Variants in STPG2 observed in about 807,000 individuals in gnomAD.
STPG2 encodes the protein sperm-tail PG-rich repeat-containing protein 2.
A neutral mutation model predicts 54.2 loss-of-function variants in STPG2; 56 were observed. That is an observed-to-expected ratio of 1.03 (90% confidence interval 0.83 to 1.29). The LOEUF (loss-of-function observed/expected upper bound fraction) is 1.29, where lower values mean the gene tolerates loss of function less well. STPG2 is among the 50% of genes most tolerant of loss of function. The pLI, the probability that STPG2 is intolerant of heterozygous loss-of-function variation, is 0.00. For synonymous variants in STPG2, 200 were observed against 181.8 expected (o/e 1.10, Z -0.81); for missense variants, 596 against 544.9 (o/e 1.09, Z -0.93).
intron 9 of STPG2, among the ~76,000 whole-genome samples, chr4:97,764,696 A>AT (rs1487086317): frequency 6.6e-6 from 1 of 152,206 alleles, no homozygotes; most frequent in Non-Finnish European, 1.5e-5. Flanking sequence ...TGGTGACAGG[A>AT]TTTTTTTACC....
At chr4:97,847,602 C>A (rs889715833) in intron 8 of STPG2, among the ~76,000 whole-genome samples, 1 of 152,066 alleles carries the variant, frequency 6.6e-6, no homozygotes, top group Non-Finnish European at 1.5e-5. Context: ...GGGAATAACA[C>A]AACAGACTTA....
intron 10 of STPG2, among the ~76,000 whole-genome samples, chr4:97,615,264 C>A (rs922030811): frequency 2.0e-5 from 3 of 151,988 alleles, no homozygotes; most frequent in Non-Finnish European, 4.4e-5. Flanking sequence ...AACAAGTTAG[C>A]ATGAATTTAT....
chr4:98,075,739 T>C (rs555305917), intron 5 of STPG2, among the ~76,000 whole-genome samples: 5 of 152,168 alleles, frequency 3.3e-5, no homozygotes, highest in Non-Finnish European at 5.9e-5. Context: ...GACTGAATAG[T>C]ATTAAATGAG....
chr4:97,735,864 G>C (rs186847921), intron 9 of STPG2, among the ~76,000 whole-genome samples: 4 of 151,904 alleles, frequency 2.6e-5, no homozygotes, highest in South Asian at 4.1e-4. Context: ...CAAATAACTC[G>C]ATTTAAAAAT....
intron 9 of STPG2, among the ~76,000 whole-genome samples, chr4:97,768,911 A>C (rs1726137186): frequency 6.6e-6 from 1 of 152,030 alleles, no homozygotes; most frequent in African/African-American, 2.4e-5. Context: ...CACGTTAGCC[A>C]GGCTGGTCTC....
chr4:97,629,006 T>C (rs987698133), intron 10 of STPG2, among the ~76,000 whole-genome samples: 1 of 152,030 alleles, frequency 6.6e-6, no homozygotes, highest in Admixed American at 6.6e-5. Context: ...GATATTTAAA[T>C]CTTTAAATAT....
chr4:97,965,688 G>C (rs1734072680), intron 7 of STPG2, among the ~76,000 whole-genome samples: 1 of 152,210 alleles, frequency 6.6e-6, no homozygotes, highest in Admixed American at 6.5e-5. Context: ...AACATTTGCT[G>C]TTCTGCAGTC....
intron 8 of STPG2, among the ~76,000 whole-genome samples, chr4:97,866,687 T>C (rs546165752): frequency 1.0e-3 from 153 of 152,152 alleles, no homozygotes; most frequent in South Asian, 2.1e-3. Context: ...AACTTTCTTC[T>C]GCTCTGTCCT....
In STPG2 at chr4:98,109,314, T is replaced by C; in HGVS notation, c.388-9A>G. On this transcript the variant is annotated splice_polypyrimidine_tract_variant and intron_variant, in intron 3 of 10. Transcript: ENST00000295268. ...GTTGCATTGGAAACATCCTAAAAAA[T>C]AAAAAGTTTTAAAAAGTGAGGATGA... 6.5e-7 allele frequency: 1 copy of C among 1,546,440 alleles called. No individual in the cohort carries two copies. The highest frequency in any genetic ancestry group is 8.9e-7 in the Non-Finnish European group (1 of 1,129,830).
intron 8 of STPG2, among the ~76,000 whole-genome samples, chr4:97,938,950 C>T (rs1732867491): frequency 6.6e-6 from 1 of 152,026 alleles, no homozygotes; most frequent in Non-Finnish European, 1.5e-5. Context: ...AAATTCAGTA[C>T]TATGAATTTT....
At chr4:97,881,247 C>T (rs72881490) in intron 8 of STPG2, among the ~76,000 whole-genome samples, 6,126 of 152,134 alleles carry the variant, frequency 0.04, 410 homozygotes, top group African/African-American at 0.14. Flanking sequence ...TAAGCCAACC[C>T]TCTCATTTTT....
chr4:98,055,278 G>A (rs1272069724), intron 5 of STPG2, among the ~76,000 whole-genome samples: 7 of 152,014 alleles, frequency 4.6e-5, no homozygotes, highest in Non-Finnish European at 1.0e-4. Context: ...GTTTGCATGG[G>A]GAAGGCAAGA....
At chr4:97,693,405 C>G (rs1233714833) in intron 10 of STPG2, among the ~76,000 whole-genome samples, 1 of 152,054 alleles carries the variant, frequency 6.6e-6, no homozygotes, top group Admixed American at 6.5e-5. Flanking sequence ...TCAGACAAAA[C>G]AAACCTTAAA....
At chr4:97,529,355 T>C (rs568723702) in intron 4 of STPG2, among the ~76,000 whole-genome samples, 16 of 152,334 alleles carry the variant, frequency 1.1e-4, no homozygotes, top group Admixed American at 7.8e-4. Context: ...GTGGATAAGC[T>C]TTTTGATGTT....
chr4:97,737,110 T>C (rs1247037449), intron 9 of STPG2, among the ~76,000 whole-genome samples: 2 of 152,020 alleles, frequency 1.3e-5, no homozygotes, highest in African/African-American at 4.8e-5. Context: ...GGGTCTGGAG[T>C]GGACCTCTAG....
chr4:97,674,114 T>C (rs1722773367), intron 10 of STPG2, among the ~76,000 whole-genome samples: 1 of 152,178 alleles, frequency 6.6e-6, no homozygotes, highest in Non-Finnish European at 1.5e-5. Flanking sequence ...TGATCTTCTC[T>C]ACTACTTACC....
intron 10 of STPG2, among the ~76,000 whole-genome samples, chr4:97,617,381 T>C (rs944431124): frequency 3.3e-5 from 5 of 152,192 alleles, no homozygotes; most frequent in African/African-American, 1.2e-4. Context: ...AAATGTTTTA[T>C]TCTGTGGCCA....
At chr4:97,580,971 A>G (rs1732849710) in intron 10 of STPG2, among the ~76,000 whole-genome samples, 1 of 152,190 alleles carries the variant, frequency 6.6e-6, no homozygotes, top group African/African-American at 2.4e-5. Context: ...GAAAAAATAC[A>G]ATTATAAATT....
At chr4:97,851,196 G>T (rs1560554051) in intron 8 of STPG2, among the ~76,000 whole-genome samples, 1 of 152,172 alleles carries the variant, frequency 6.6e-6, no homozygotes, top group Non-Finnish European at 1.5e-5. Flanking sequence ...CCATAGGAAT[G>T]AGAGAGCTCC....
Sources: allele counts gnomAD v4.1 joint callset (sites outside exome capture counted in the v4.1 genomes callset), GRCh38; gene constraint gnomAD v4.1.1; transcripts MANE v1.5; gene names NCBI Gene and HGNC (gene_info 2026-07-23, HGNC 2026-07-21).